The following RGS12 variants were observed in gnomAD, a reference collection of about 807,000 sequenced individuals.
The protein encoded by RGS12 is regulator of G-protein signaling 12.
In RGS12, 66 loss-of-function variants were observed where a neutral mutation model predicts 120.1. The ratio of observed to expected loss-of-function variants is 0.55; its 90% CI spans 0.45 to 0.67. The LOEUF (loss-of-function observed/expected upper bound fraction) is 0.67, where lower values mean the gene tolerates loss of function less well. Ranked by LOEUF, RGS12 falls within the 30% of genes least tolerant of loss-of-function variation. RGS12 has a pLI of 0.00. For missense variants in RGS12, 1,859 were observed against 1,957.7 expected, an observed-to-expected ratio of 0.95 and a Z score of 0.95; for synonymous variants, 827 against 804.7, an observed-to-expected ratio of 1.03 and a Z score of -0.47.
intron 2 of RGS12, among the ~76,000 whole-genome samples, chr4:3,339,945 C>T (rs1712873902): frequency 6.6e-6 from 1 of 152,242 alleles, no homozygotes; most frequent in Non-Finnish European, 1.5e-5. Context: ...GCCTTAATCT[C>T]ACAAAGCCAT....
intron 12 of RGS12, among the ~76,000 whole-genome samples, chr4:3,423,202 C>G (rs920616976): frequency 6.6e-6 from 1 of 152,212 alleles, no homozygotes; most frequent in Non-Finnish European, 1.5e-5. Context: ...CAGGGACTGC[C>G]CTGGCCTGGT....
chr4:3,406,336 C>T (rs887017770), intron 4 of RGS12, among the ~76,000 whole-genome samples: 2 of 152,220 alleles, frequency 1.3e-5, no homozygotes, highest in Admixed American at 6.5e-5. Context: ...CGAATGAGGC[C>T]AAGCTCTGCC....
chr4:3,423,950 A>G (rs776965051), intron 13 of RGS12: 2 of 290,100 alleles, frequency 6.9e-6, no homozygotes, highest in Non-Finnish European at 1.3e-5. Flanking sequence ...GCTGTTGGCC[A>G]ATGTGATCAG....
intron 4 of RGS12, among the ~76,000 whole-genome samples, chr4:3,399,913 A>G (rs1361267031): frequency 6.6e-6 from 1 of 152,240 alleles, no homozygotes; most frequent in African/African-American, 2.4e-5. Context: ...AGCGCTTCCT[A>G]AATGGGGCAC....
chr4:3,344,866 G>C (rs919800534), intron 3 of RGS12, among the ~76,000 whole-genome samples: 2 of 152,202 alleles, frequency 1.3e-5, no homozygotes, highest in Non-Finnish European at 2.9e-5. Context: ...GTCCTTTTCT[G>C]TGTGGGCCCT....
intron 6 of RGS12, 57 bp downstream of exon 6, chr4:3,414,901 A>C: frequency 7.8e-7 from 1 of 1,277,068 alleles, no homozygotes; most frequent in Non-Finnish European, 1.1e-6. Flanking sequence ...AGAGAGACGC[A>C]TGTGAGGGGT....
In RGS12 at chr4:3,355,082, A is replaced by G. The variant is rs375580507; in HGVS notation, c.1998+12029A>G. Among the ~76,000 whole-genome samples, 12 of 152,332 alleles carry G rather than the reference A, an allele frequency of 7.9e-5. 1 individual carries two copies. In the East Asian group the frequency reaches 1.7e-3, roughly 22 times the overall value. On this transcript the variant is annotated intron_variant, in intron 3 of 17. Transcript: ENST00000336727. ...AAACATTAGCAAGGTGATTCCAGCA[A>G]TTTATAAAAAGGGTAACATACACAT... is the stretch of plus-strand genomic sequence containing the variant.
rs1717369401 is a variant in RGS12, at chr4:3,374,162, G to A, written c.1999-12254G>A. On this transcript the variant is annotated intron_variant, in intron 3 of 17. Coordinates refer to ENST00000336727, the MANE Select transcript of RGS12 (RefSeq NM_001394154.1). This position sits in a 1 kb window ranked among gnomAD's most constrained non-coding sequence, Gnocchi z 6.3. ...CGTTGGGCGGATGTGGAGGCTGGTT[G>A]AGGTTCCTTGCAACGCTTGCCATCC... is the stretch of plus-strand genomic sequence containing the variant. Among the ~76,000 whole-genome samples, 1 of 152,240 alleles carries A rather than the reference G, an allele frequency of 6.6e-6. No homozygotes were observed.
intron 17 of RGS12, among the ~76,000 whole-genome samples, chr4:3,435,200 T>C (rs954632305): frequency 6.6e-6 from 1 of 152,102 alleles, no homozygotes; most frequent in Admixed American, 6.5e-5. Context: ...AGATGTGCGA[T>C]GTTTGCCTGC....
At position 3,329,514 on chromosome 4, in the gene RGS12, T is replaced by A. The variant is rs913099308; in HGVS notation, c.1881+11463T>A. On this transcript the variant is annotated intron_variant, in intron 2 of 17. Coordinates refer to ENST00000336727, the MANE Select transcript of RGS12 (RefSeq NM_001394154.1). ...GCACAGGACCAAACCAAGTGACACC[T>A]GAGAGGCTGGTGGCCTTACCCTGTG... 3.3e-5 allele frequency among the ~76,000 whole-genome samples: 5 copies of A among 152,252 alleles called. No individual in the cohort carries two copies. In the East Asian group the frequency reaches 9.6e-4, roughly 29 times the overall value.
intron 5 of RGS12, 194 bp from the exon 6 acceptor site, chr4:3,414,558 G>A: frequency 3.3e-6 from 2 of 606,934 alleles, no homozygotes; most frequent in East Asian, 2.8e-5. Context: ...TCAAAGAGAT[G>A]TTTTGCTTTT....
intron 4 of RGS12, among the ~76,000 whole-genome samples, chr4:3,394,806 G>A (rs1719881165): frequency 6.6e-6 from 1 of 152,146 alleles, no homozygotes; most frequent in South Asian, 2.1e-4. Context: ...CGCCCCTGCA[G>A]GCCCTCAGTC....
At chr4:3,413,262 C>T (rs1721955245) in intron 4 of RGS12, 1 of 152,292 alleles carries the variant, frequency 6.6e-6, no homozygotes, top group Non-Finnish European at 1.5e-5. Flanking sequence ...TGGGGACCTC[C>T]CTTCTCTTTA....
upstream of RGS12, among the ~76,000 whole-genome samples, chr4:3,290,832 G>A (rs529242359): frequency 1.3e-5 from 2 of 152,340 alleles, no homozygotes; most frequent in East Asian, 1.9e-4. Flanking sequence ...TCTGTGTCTA[G>A]CCCCTCCAGA....
chr4:3,290,107 T>C (rs1429657544), upstream of RGS12, among the ~76,000 whole-genome samples: 3 of 152,254 alleles, frequency 2.0e-5, no homozygotes, highest in East Asian at 5.8e-4. Context: ...GGTGCCGTGC[T>C]GAGCCTGGGA....
Position 3,366,687 on chromosome 4 carries a change from G to A in RGS12, c.1999-19729G>A, listed in dbSNP as rs958406904. ...GTCGAGCTGTGCGCCAGGCATGGCC[G>A]GAAAGCTCAGGAGGCCCTGGTTAGG... On this transcript the variant is annotated intron_variant, in intron 3 of 17. Transcript: ENST00000336727. The surrounding 1 kb of genome is among the most constrained non-coding windows in gnomAD (Gnocchi z 4.0). Among the ~76,000 whole-genome samples the A allele has an allele frequency of 9.2e-5, 14 of 152,190 alleles. 1 individual carries two copies. The highest frequency in any genetic ancestry group is 5.2e-4 in the Admixed American group (8 of 15,284).
intron 2 of RGS12, among the ~76,000 whole-genome samples, chr4:3,333,869 T>G (rs1030308923): frequency 6.6e-6 from 1 of 152,242 alleles, no homozygotes; most frequent in Non-Finnish European, 1.5e-5. Context: ...TAGCTCAGTT[T>G]GAGGGAATTG....
chr4:3,306,653 C>G (rs1421223015), intron 1 of RGS12, among the ~76,000 whole-genome samples: 1 of 152,228 alleles, frequency 6.6e-6, no homozygotes, highest in East Asian at 1.9e-4. Context: ...CTCAGGATCA[C>G]TGCACAGGGC....
intron 3 of RGS12, among the ~76,000 whole-genome samples, chr4:3,362,338 T>TGA (rs900063331): frequency 6.6e-6 from 1 of 151,674 alleles, no homozygotes; most frequent in Non-Finnish European, 1.5e-5. Flanking sequence ...TCATGAAGAG[T>TGA]GAGAGTGTGT....
Sources: gnomAD v4.1 joint callset for allele counts (sites outside exome capture counted in the v4.1 genomes callset) on GRCh38, gnomAD v4.1.1 for gene constraint, Gnocchi (gnomAD v3.1) non-coding constraint, MANE v1.5 for transcripts, NCBI Gene and HGNC (gene_info 2026-07-23, HGNC 2026-07-21) for gene names.